MAP2K6: variants seen among roughly 807,000 people sequenced by gnomAD.
MAP2K6 encodes mitogen-activated protein kinase kinase 6.
In MAP2K6, 16 loss-of-function variants were observed where a neutral mutation model predicts 53.7. The observed-to-expected ratio is 0.30, with a 90% CI of 0.20 to 0.45. The LOEUF (loss-of-function observed/expected upper bound fraction) is 0.45. MAP2K6 is among the 20% of genes least tolerant of loss of function. The pLI, the probability that MAP2K6 is intolerant of heterozygous loss-of-function variation, is 1.00. For missense variants in MAP2K6, 204 were observed against 411.9 expected (o/e 0.50, Z 4.37); for synonymous variants, 132 against 143.1 (o/e 0.92, Z 0.55).
At chr17:69,515,713 A>G (rs1290129797) in intron 2 of MAP2K6, among the ~76,000 whole-genome samples, 1 of 152,218 alleles carries the variant, frequency 6.6e-6, no homozygotes, top group Non-Finnish European at 1.5e-5. Flanking sequence ...GCTGGGCTTG[A>G]TAAGACAGCC....
intron 10 of MAP2K6, among the ~76,000 whole-genome samples, chr17:69,529,743 C>G (rs1231867780): frequency 6.6e-6 from 1 of 151,976 alleles, no homozygotes; most frequent in Non-Finnish European, 1.5e-5. Flanking sequence ...ATCTCCTGAC[C>G]TCGTGATCTG....
At chr17:69,490,880 C>G (rs1908717841) in intron 1 of MAP2K6, among the ~76,000 whole-genome samples, 3 of 152,024 alleles carry the variant, frequency 2.0e-5, no homozygotes, top group Admixed American at 2.0e-4. Flanking sequence ...TCCTTCCACC[C>G]TCTGATAGGC....
rs959785605 is a variant in MAP2K6 at position 69,517,393 on chromosome 17, C to T, written c.133-107C>T. ...TGACATGCTAGAAAATCTTCTGGCCCAGAAATAATCCTTAGAACATTGAGA... is the reference window on the plus strand; with the variant it reads ...TGACATGCTAGAAAATCTTCTGGCCTAGAAATAATCCTTAGAACATTGAGA... On this transcript the variant is annotated intron_variant, in intron 3 of 11. Transcript: ENST00000590474. 1.1e-5 allele frequency: 6 copies of T among 560,398 alleles called. No homozygotes were observed. In the East Asian group the frequency reaches 1.7e-4, roughly 16 times the overall value. The allele number at this position is 560,398 out of a possible 1,614,324, so 34.7% of individuals were successfully genotyped here. A position where few individuals can be genotyped will look rare whatever the true frequency, so the allele number is the denominator to read the frequency against.
intron 1 of MAP2K6, among the ~76,000 whole-genome samples, chr17:69,420,802 C>T (rs1598252341): frequency 6.6e-6 from 1 of 152,214 alleles, no homozygotes; most frequent in South Asian, 2.1e-4. Context: ...TTGTTGGGAG[C>T]AGTCTGGCAA....
chr17:69,430,795 C>T (rs1481235874), intron 1 of MAP2K6, among the ~76,000 whole-genome samples: 2 of 152,138 alleles, frequency 1.3e-5, no homozygotes, highest in Non-Finnish European at 1.5e-5. Context: ...AGAGGGAGCA[C>T]GCAGTCTAAT....
intron 1 of MAP2K6, among the ~76,000 whole-genome samples, chr17:69,478,573 C>T (rs183657392): frequency 9.7e-4 from 148 of 152,300 alleles, no homozygotes; most frequent in Middle Eastern, 6.8e-3. Context: ...GCTGGGATTG[C>T]AGGCGACTGC....
intron 1 of MAP2K6, among the ~76,000 whole-genome samples, chr17:69,478,438 C>T (rs1325910625): frequency 6.6e-6 from 1 of 152,102 alleles, no homozygotes. Context: ...GTTTTACTTT[C>T]TTTCTTTTTT....
intron 1 of MAP2K6, 187 bp from the exon 2 acceptor site, chr17:69,505,593 G>A (rs1351535516): frequency 1.8e-6 from 1 of 555,246 alleles, no homozygotes; most frequent in African/African-American, 1.9e-5. Flanking sequence ...GTCTGTATTT[G>A]AGAAGCTCTG....
In MAP2K6 at chr17:69,548,432, A is replaced by C. The variant is rs1381694497; in HGVS notation, c.*6679A>C. ...GTCTGCCAGTGACCGAAGCTTTCTC[A>C]TTTTTTTTTCTTCCAGAACAATAGC... On this transcript the variant is annotated 3_prime_UTR_variant, in exon 12 of 12. Transcript: ENST00000590474. 6.6e-6 allele frequency: 1 copy of C among 151,160 alleles called. No individual in the cohort carries two copies. The highest frequency in any genetic ancestry group is 1.5e-5 in the Non-Finnish European group (1 of 67,718). The allele number at this position is 151,160 out of a possible 1,614,324, so 9.4% of individuals were successfully genotyped here.
chr17:69,436,004 G>C (rs188241940), intron 1 of MAP2K6, among the ~76,000 whole-genome samples: 12 of 133,816 alleles, frequency 9.0e-5, no homozygotes, highest in Admixed American at 8.8e-4. Flanking sequence ...CCAATCATTT[G>C]GAATCGATTT....
At chr17:69,417,828 C>G (rs185437190) in intron 1 of MAP2K6, among the ~76,000 whole-genome samples, 19 of 152,260 alleles carry the variant, frequency 1.2e-4, no homozygotes, top group East Asian at 3.9e-4. Context: ...CTGGCATCCC[C>G]CAGTTCACCT....
At chr17:69,536,278 G>A in intron 11 of MAP2K6, 118 bp downstream of exon 11, 4 of 745,988 alleles carry the variant, frequency 5.4e-6, no homozygotes, top group Non-Finnish European at 9.3e-6. Context: ...TGATACATCA[G>A]TGACAGGAAT....
intron 1 of MAP2K6, among the ~76,000 whole-genome samples, chr17:69,467,226 G>A (rs999466061): frequency 2.6e-5 from 4 of 152,198 alleles, no homozygotes; most frequent in African/African-American, 4.8e-5. Context: ...TTAAGTAAGC[G>A]AGGTACCATA....
At chr17:69,421,439 T>C (rs942100661) in intron 1 of MAP2K6, among the ~76,000 whole-genome samples, 1 of 152,196 alleles carries the variant, frequency 6.6e-6, no homozygotes, top group African/African-American at 2.4e-5. Context: ...TCCAATAGAA[T>C]TGAAGTGATT....
intron 2 of MAP2K6, among the ~76,000 whole-genome samples, chr17:69,507,306 A>G (rs997527131): frequency 2.0e-5 from 3 of 151,642 alleles, no homozygotes; most frequent in Non-Finnish European, 4.4e-5. Flanking sequence ...ATAGAACTTA[A>G]TTTTGCCAGC....
intron 11 of MAP2K6, among the ~76,000 whole-genome samples, chr17:69,539,982 G>A (rs12600726): frequency 2.6e-5 from 4 of 152,152 alleles, no homozygotes; most frequent in Non-Finnish European, 2.9e-5. Context: ...TGTAAGGATC[G>A]GAGCCAGCAC....
In MAP2K6 at chr17:69,548,710, C is replaced by G. The variant is rs1954806648; in HGVS notation, c.*6957C>G. The G allele has an allele frequency of 6.6e-6, 1 of 152,186 alleles. No individual in the cohort carries two copies. The highest frequency in any genetic ancestry group is 2.4e-5 in the African/African-American group (1 of 41,440). The allele number at this position is 152,186 out of a possible 1,614,324, so 9.4% of individuals were successfully genotyped here. ...AAGCACATTGCCACCAAATACATCA[C>G]TCACTACCTGTTCCTGGTGACTACA... On this transcript the variant is annotated 3_prime_UTR_variant, in exon 12 of 12. Coordinates refer to ENST00000590474, the MANE Select transcript of MAP2K6 (RefSeq NM_002758.4).
chr17:69,483,566 T>G (rs1302577030), intron 1 of MAP2K6, among the ~76,000 whole-genome samples: 1 of 152,058 alleles, frequency 6.6e-6, no homozygotes, highest in East Asian at 1.9e-4. Flanking sequence ...TCATGAGAAT[T>G]TCAGCTGACT....
At chr17:69,462,052 G>A (rs1196480884) in intron 1 of MAP2K6, among the ~76,000 whole-genome samples, 1 of 152,150 alleles carries the variant, frequency 6.6e-6, no homozygotes, top group Non-Finnish European at 1.5e-5. Context: ...CACTTGGGAC[G>A]AATTACAGAC....
Sources: gnomAD v4.1 joint callset for allele counts (sites outside exome capture counted in the v4.1 genomes callset) on GRCh38, gnomAD v4.1.1 for gene constraint, MANE v1.5 for transcripts, NCBI Gene and HGNC (gene_info 2026-07-23, HGNC 2026-07-21) for gene names.